Variants in PCDH9 observed in about 807,000 individuals in gnomAD.
The protein encoded by PCDH9 is protocadherin-9.
Under a neutral mutation model 70.6 loss-of-function variants are expected in PCDH9, and 24 were observed. The observed-to-expected ratio is 0.34, with a 90% confidence interval of 0.25 to 0.48. The LOEUF (loss-of-function observed/expected upper bound fraction) is 0.48, where lower values mean the gene tolerates loss of function less well. Among genes scored for constraint, PCDH9 ranks in the 20% least tolerant of loss-of-function variants. PCDH9 has a pLI of 0.99. For synonymous variants in PCDH9, 562 were observed against 558.5 expected (o/e 1.01, Z -0.09); for missense variants, 1,281 against 1,503.6 (o/e 0.85, Z 2.45).
intron 3 of PCDH9, among the ~76,000 whole-genome samples, chr13:66,825,567 C>A (rs2080808767): frequency 6.6e-6 from 1 of 151,692 alleles, no homozygotes; most frequent in Non-Finnish European, 1.5e-5. Context: ...GATCTCCTGA[C>A]CTCGTGATCC....
intron 2 of PCDH9, among the ~76,000 whole-genome samples, chr13:67,152,142 A>C (rs2087678529): frequency 6.6e-6 from 1 of 152,214 alleles, no homozygotes; most frequent in Non-Finnish European, 1.5e-5. Flanking sequence ...ATGAAATAAA[A>C]GCATAATCTG....
chr13:66,716,317 T>G (rs753243441), intron 3 of PCDH9, among the ~76,000 whole-genome samples: 1 of 152,218 alleles, frequency 6.6e-6, no homozygotes, highest in Non-Finnish European at 1.5e-5. Flanking sequence ...TTCAGAGAGA[T>G]AAGCAATGCT....
In PCDH9 at chr13:66,464,882, T is replaced by C. The variant is rs112456037; in HGVS notation, c.3341-159854A>G. ...TAACTTCTATTTCATGTGAAATAAT[T>C]AAAAAGAATATATCTAATAATTGCA... On this transcript the variant is annotated intron_variant, in intron 4 of 4. Coordinates refer to ENST00000377865, the MANE Select transcript of PCDH9 (RefSeq NM_203487.3). Among the ~76,000 whole-genome samples, 1,312 of 152,086 alleles carry C rather than the reference T, an allele frequency of 8.6e-3. 18 individuals carry two copies. Among genetic ancestry groups the C allele is most frequent in the African/African-American group, 0.029 (1,222 of 41,534 alleles).
At chr13:66,779,843 C>CTATATATATATA (rs1234220065) in intron 3 of PCDH9, among the ~76,000 whole-genome samples, 24 of 30,996 alleles carry the variant, frequency 7.7e-4, no homozygotes, top group Non-Finnish European at 1.3e-3. Flanking sequence ...CTCTCTCTCT[C>CTATATATATATA]TCTCTCTATA....
chr13:66,467,862 T>C (rs1418210411), intron 4 of PCDH9, among the ~76,000 whole-genome samples: 2 of 152,156 alleles, frequency 1.3e-5, no homozygotes, highest in Non-Finnish European at 2.9e-5. Context: ...TATTCACTTA[T>C]GAACTCACTC....
At chr13:66,801,996 CTGTTTGTTTGTTTGTT>C (rs71207605) in intron 3 of PCDH9, among the ~76,000 whole-genome samples, 4 of 149,730 alleles carry the variant, frequency 2.7e-5, no homozygotes, top group East Asian at 2.0e-4. Flanking sequence ...AGGTGTTTTT[CTGTTTGTTTGTTTGTT>C]TGTTTGTTTG....
At chr13:66,688,573 T>C (rs1242752131) in intron 3 of PCDH9, among the ~76,000 whole-genome samples, 1 of 152,120 alleles carries the variant, frequency 6.6e-6, no homozygotes, top group African/African-American at 2.4e-5. Flanking sequence ...ATGTAAGTAT[T>C]GAAGCCAAAA....
chr13:66,431,522 C>A (rs1263203437), intron 4 of PCDH9, among the ~76,000 whole-genome samples: 1 of 151,986 alleles, frequency 6.6e-6, no homozygotes, highest in Non-Finnish European at 1.5e-5. Context: ...TATTATACAG[C>A]TTTGTAAGTC....
intron 3 of PCDH9, among the ~76,000 whole-genome samples, chr13:66,888,163 A>G (rs1293835301): frequency 1.3e-5 from 2 of 152,208 alleles, no homozygotes; most frequent in Non-Finnish European, 2.9e-5. Context: ...CTCATCAACT[A>G]TATGTTCCCC....
intron 2 of PCDH9, among the ~76,000 whole-genome samples, chr13:67,059,883 TTG>T (rs1195872659): frequency 3.0e-3 from 17 of 5,668 alleles, no homozygotes; most frequent in African/African-American, 5.9e-3. Flanking sequence ...TTGTTTTTTG[TTG>T]TTTTTTTTTT....
chr13:66,917,494 T>G (rs191489952), intron 2 of PCDH9, among the ~76,000 whole-genome samples: 9 of 151,606 alleles, frequency 5.9e-5, no homozygotes, highest in Admixed American at 3.3e-4. Context: ...ACAGTCTTGA[T>G]GAAAATCCAG....
At chr13:66,823,912 C>A (rs2080762243) in intron 3 of PCDH9, among the ~76,000 whole-genome samples, 1 of 152,016 alleles carries the variant, frequency 6.6e-6, no homozygotes, top group South Asian at 2.1e-4. Context: ...GTTGTCACAT[C>A]AAATGTGTTC....
intron 2 of PCDH9, among the ~76,000 whole-genome samples, chr13:67,141,597 C>T (rs150797054): frequency 2.0e-5 from 3 of 152,016 alleles, no homozygotes; most frequent in African/African-American, 7.2e-5. Flanking sequence ...CCTGCCACCA[C>T]GCCCAGCTAA....
At chr13:66,583,337 G>A (rs2076919165) in intron 4 of PCDH9, among the ~76,000 whole-genome samples, 1 of 152,032 alleles carries the variant, frequency 6.6e-6, no homozygotes, top group Non-Finnish European at 1.5e-5. Context: ...CTTAGGCTGG[G>A]CATGGTGGCT....
chr13:66,977,132 C>T (rs894552838), intron 2 of PCDH9, among the ~76,000 whole-genome samples: 1 of 151,988 alleles, frequency 6.6e-6, no homozygotes, highest in African/African-American at 2.4e-5. Flanking sequence ...ATACTTCTCC[C>T]TCTGTGATAA....
rs563163353 is a variant in PCDH9 at position 66,959,337 on chromosome 13, A to G, written c.3037-55732T>C. 5.3e-5 allele frequency among the ~76,000 whole-genome samples: 8 copies of G among 152,288 alleles called. No individual in the cohort carries two copies. The South Asian group carries it at 1.7e-3, about 32-fold the overall frequency. ...CATTCTACATCACTTTTTTTCTATA[A>G]AAGTATCTGTCAATTGTAAATTACC... On this transcript the variant is annotated intron_variant, in intron 2 of 4. Transcript: ENST00000377865.
chr13:66,705,262 G>A (rs1322483808), intron 3 of PCDH9, among the ~76,000 whole-genome samples: 1 of 152,108 alleles, frequency 6.6e-6, no homozygotes, highest in Non-Finnish European at 1.5e-5. Context: ...TTTCTAAAAT[G>A]AAGAACAAAG....
At chr13:66,778,514 C>T (rs2139291986) in intron 3 of PCDH9, among the ~76,000 whole-genome samples, 1 of 152,212 alleles carries the variant, frequency 6.6e-6, no homozygotes, top group South Asian at 2.1e-4. Flanking sequence ...TACCATGTGG[C>T]CTGTCACAGT....
intron 4 of PCDH9, among the ~76,000 whole-genome samples, chr13:66,498,762 T>C (rs1372816701): frequency 6.6e-6 from 1 of 152,234 alleles, no homozygotes; most frequent in South Asian, 2.1e-4. Context: ...CCGTATTAAG[T>C]GCGTAATACC....
Sources: allele counts gnomAD v4.1 joint callset (sites outside exome capture counted in the v4.1 genomes callset), GRCh38; gene constraint gnomAD v4.1.1; transcripts MANE v1.5; gene names NCBI Gene and HGNC (gene_info 2026-07-23, HGNC 2026-07-21).